Variants in ZNF813 observed in about 807,000 individuals in gnomAD.
ZNF813 encodes zinc finger protein 813.
A neutral mutation model predicts 7.2 loss-of-function variants in ZNF813; 3 were observed. That is an observed-to-expected ratio of 0.42 (90% CI 0.19 to 1.08). The LOEUF (loss-of-function observed/expected upper bound fraction) is 1.08. Among genes scored for constraint, ZNF813 ranks in the 50% least tolerant of loss-of-function variants. The pLI, the probability that ZNF813 is intolerant of heterozygous loss-of-function variation, is 0.30. For missense variants in ZNF813, 714 were observed against 753.3 expected (o/e 0.95, Z 0.61); for synonymous variants, 227 against 256.3 (o/e 0.89, Z 1.09).
At chr19:53,486,967 C>T (rs371671938) in intron 3 of ZNF813, among the ~76,000 whole-genome samples, 12 of 145,742 alleles carry the variant, frequency 8.2e-5, no homozygotes, top group East Asian at 6.1e-4. Flanking sequence ...TGACCATGTC[C>T]GGCTACTTTT....
chr19:53,492,098 T>G lies in ZNF813; in HGVS notation c.*12T>G. On this transcript the variant is annotated 3_prime_UTR_variant, in exon 4 of 4. Coordinates refer to ENST00000396403, the MANE Select transcript of ZNF813 (RefSeq NM_001004301.4). ...AAGCTTTTAATTGAAAAGCAAAGCTTGCACATCATCATACAATTCATACTG... is the reference window on the plus strand; with the variant it reads ...AAGCTTTTAATTGAAAAGCAAAGCTGGCACATCATCATACAATTCATACTG... The G allele has an allele frequency of 6.2e-7, 1 of 1,604,642 alleles. No homozygotes were observed. Among genetic ancestry groups the G allele is most frequent in the South Asian group, 1.1e-5 (1 of 90,066 alleles).
chr19:53,471,777 AC>A (rs1469095732), intron 1 of ZNF813, among the ~76,000 whole-genome samples: 2 of 141,196 alleles, frequency 1.4e-5, no homozygotes, highest in African/African-American at 2.7e-5. Context: ...ACGCCACTGC[AC>A]TCCAGCCTGC....
chr19:53,482,377 C>T (rs1437662265), intron 1 of ZNF813, among the ~76,000 whole-genome samples: 1 of 152,236 alleles, frequency 6.6e-6, no homozygotes, highest in South Asian at 2.1e-4. Flanking sequence ...GCCAACTCCT[C>T]ACTGTGGCTC....
rs1600117140 is a variant in ZNF813 at position 53,493,350 on chromosome 19, T to C, written c.*1264T>C. 1 of 155,674 alleles carries C rather than the reference T, an allele frequency of 6.4e-6. No individual in the cohort carries two copies. 9.6% of individuals were successfully genotyped at this position (155,674 alleles called of 1,614,324 possible). ...AATTTTTCCAATCCATCAATATGGG[T>C]TATATGTCTGTATATGTTTTTAATC... On this transcript the variant is annotated 3_prime_UTR_variant, in exon 4 of 4. Coordinates refer to ENST00000396403, the MANE Select transcript of ZNF813 (RefSeq NM_001004301.4).
chr19:53,485,046 G>T lies in ZNF813; in HGVS notation c.15+1209G>T, dbSNP rs184532767. ...ACTGGGGAGCCGCTACTGTCAGTTCGGTGTCAGGTGTCAGAGCAAGTCTCA... is the reference window on the plus strand; with the variant it reads ...ACTGGGGAGCCGCTACTGTCAGTTCTGTGTCAGGTGTCAGAGCAAGTCTCA... On this transcript the variant is annotated intron_variant, in intron 2 of 3. Transcript: ENST00000396403. Among the ~76,000 whole-genome samples, 157 of 152,158 alleles carry T rather than the reference G, an allele frequency of 1.0e-3. 2 individuals are homozygous for T. The highest frequency in any genetic ancestry group is 4.6e-3 in the Admixed American group (71 of 15,284).
chr19:53,494,558 G>C lies in ZNF813; in HGVS notation c.*2472G>C, dbSNP rs1034308442. ...CTCTGGAGGCTGAGGCAGGAGAATG[G>C]CTTGAACCCGGGAGGCAGAGATTGC... On this transcript the variant is annotated 3_prime_UTR_variant, in exon 4 of 4. Transcript: ENST00000396403. 1.3e-5 allele frequency: 2 copies of C among 151,838 alleles called. No individual in the cohort carries two copies. The highest frequency in any genetic ancestry group is 4.8e-5 in the African/African-American group (2 of 41,270). The allele number at this position is 151,838 out of a possible 1,614,324, so 9.4% of individuals were successfully genotyped here. A position where few individuals can be genotyped will look rare whatever the true frequency, so the allele number is the denominator to read the frequency against.
chr19:53,474,137 C>T (rs542131216), intron 1 of ZNF813, among the ~76,000 whole-genome samples: 1 of 152,306 alleles, frequency 6.6e-6, no homozygotes, highest in Admixed American at 6.5e-5. Flanking sequence ...AGTCACTTCT[C>T]ATGCTTTTTC....
chr19:53,492,335 C>A lies in ZNF813; in HGVS notation c.*249C>A. 1 of 621,692 alleles carries A rather than the reference C, an allele frequency of 1.6e-6. No individual in the cohort carries two copies. The highest frequency in any genetic ancestry group is 2.8e-6 in the Non-Finnish European group (1 of 356,386). 38.5% of individuals were successfully genotyped at this position (621,692 alleles called of 1,614,324 possible). A position where few individuals can be genotyped will look rare whatever the true frequency, so the allele number is the denominator to read the frequency against. ...ACAAAGTTTACAGTGGCAAATCGAG[C>A]CTCAAAAGACAGGAGAATTCATACT... On this transcript the variant is annotated 3_prime_UTR_variant, in exon 4 of 4. Transcript: ENST00000396403.
chr19:53,493,502 C>G lies in ZNF813; in HGVS notation c.*1416C>G, dbSNP rs531248996. 56 of 151,502 alleles carry G rather than the reference C, an allele frequency of 3.7e-4. No homozygotes were observed. The highest frequency in any genetic ancestry group is 1.3e-3 in the African/African-American group (54 of 40,638). 9.4% of individuals were successfully genotyped at this position (151,502 alleles called of 1,614,324 possible). A position where few individuals can be genotyped will look rare whatever the true frequency, so the allele number is the denominator to read the frequency against. On this transcript the variant is annotated 3_prime_UTR_variant, in exon 4 of 4. Coordinates refer to ENST00000396403, the MANE Select transcript of ZNF813 (RefSeq NM_001004301.4). ...TTTCTTTTAAAATTGTTTATTGTTA[C>G]AAACTTCTCATCTTTTTGCTTTTAT... is the stretch of plus-strand genomic sequence containing the variant.
intron 1 of ZNF813, among the ~76,000 whole-genome samples, chr19:53,469,353 G>T (rs1249306727): frequency 6.6e-6 from 1 of 151,938 alleles, no homozygotes; most frequent in African/African-American, 2.4e-5. Flanking sequence ...GTTCTTCCCT[G>T]CCCAGCTCCA....
chr19:53,467,924 C>A (rs890499835), intron 1 of ZNF813, 135 bp downstream of exon 1: 1 of 152,480 alleles, frequency 6.6e-6, no homozygotes, highest in Non-Finnish European at 1.5e-5. Flanking sequence ...GAGACGACCC[C>A]GTGAGAGTCC....
chr19:53,471,587 A>G (rs2147153728), intron 1 of ZNF813, among the ~76,000 whole-genome samples: 1 of 152,108 alleles, frequency 6.6e-6, no homozygotes, highest in African/African-American at 2.4e-5. Flanking sequence ...ATGCGGGTGG[A>G]TCACAAGGTC....
intron 3 of ZNF813, among the ~76,000 whole-genome samples, chr19:53,489,747 G>A (rs2086450250): frequency 6.6e-6 from 1 of 152,100 alleles, no homozygotes; most frequent in Non-Finnish European, 1.5e-5. Context: ...TACCCAGGCT[G>A]AAGTACAGTG....
In ZNF813 at chr19:53,491,483, C is replaced by T. The variant is rs766782653; in HGVS notation, c.1251C>T (p.Gly417=). The stretch of plus-strand genomic sequence containing the variant: ...AGCCTTACAAGTGTAATGAATGTGG[C>T]AAGGTTTTTAATAAAAAGGCAAACC... ...GEKPYKCNEC[G]KVFNKKANLA... The change falls in exon 4 of 4, where the codon GGC becomes GGT. Residue 417 remains glycine, a synonymous_variant. Coordinates refer to ENST00000396403, the MANE Select transcript of ZNF813 (RefSeq NM_001004301.4). The T allele has an allele frequency of 1.2e-6, 2 of 1,614,092 alleles. No homozygotes were observed. The highest frequency in any genetic ancestry group is 1.7e-6 in the Non-Finnish European group (2 of 1,179,984).
chr19:53,487,797 CA>C (rs35942754), intron 3 of ZNF813, among the ~76,000 whole-genome samples: 23,333 of 129,878 alleles, frequency 0.18, 2,029 homozygotes, highest in African/African-American at 0.27. Context: ...GACTCTGTCT[CA>C]AAAAAAAAAA....
chr19:53,475,955 G>A (rs370139413), intron 1 of ZNF813, among the ~76,000 whole-genome samples: 7 of 152,120 alleles, frequency 4.6e-5, no homozygotes, highest in Admixed American at 1.3e-4. Context: ...TCCTCTTTTT[G>A]TGGCTTCCTA....
chr19:53,468,220 C>T (rs1311567697), intron 1 of ZNF813, among the ~76,000 whole-genome samples: 1 of 9,818 alleles, frequency 1.0e-4, no homozygotes, highest in African/African-American at 2.8e-4. Context: ...CGCCCTCGCG[C>T]CCCCCCCCCC....
chr19:53,494,433 C>G lies in ZNF813; in HGVS notation c.*2347C>G, dbSNP rs1485205550. ...CCAAGGTGGGTGGATCACCTGAGAT[C>G]CAGAGTTCGAGACCAGCCTCACCAA... On this transcript the variant is annotated 3_prime_UTR_variant, in exon 4 of 4. Transcript: ENST00000396403. 1 of 152,066 alleles carries G rather than the reference C, an allele frequency of 6.6e-6. No individual in the cohort carries two copies. Among genetic ancestry groups the G allele is most frequent in the Non-Finnish European group, 1.5e-5 (1 of 68,066 alleles). 9.4% of individuals were successfully genotyped at this position (152,066 alleles called of 1,614,324 possible).
At chr19:53,470,364 A>T (rs76476119) in intron 1 of ZNF813, among the ~76,000 whole-genome samples, 19 of 113,630 alleles carry the variant, frequency 1.7e-4, no homozygotes, top group East Asian at 2.5e-4. Flanking sequence ...ATGAATGCAT[A>T]TTTTTTTTTT....
Sources: gnomAD v4.1 joint callset for allele counts (sites outside exome capture counted in the v4.1 genomes callset) on GRCh38, gnomAD v4.1.1 for gene constraint, MANE v1.5 for transcripts, NCBI Gene and HGNC (gene_info 2026-07-23, HGNC 2026-07-21) for gene names.